Variants in ZNF683 observed in about 807,000 individuals in gnomAD.
ZNF683 encodes zinc finger protein 683.
ZNF683 carries 20 observed loss-of-function variants against 31.4 expected under a neutral mutation model. That is an observed-to-expected ratio of 0.64 (90% CI 0.45 to 0.93). The LOEUF (loss-of-function observed/expected upper bound fraction) is 0.93. ZNF683 is among the 40% of genes least tolerant of loss of function. The pLI is 0.00. For missense variants in ZNF683, 621 were observed against 637.2 expected, an observed-to-expected ratio of 0.97 and a Z score of 0.27; for synonymous variants, 264 against 267.6, an observed-to-expected ratio of 0.99 and a Z score of 0.13.
intron 5 of ZNF683, 28 bp downstream of exon 5, chr1:26,362,998 G>A (rs1289680564): frequency 1.3e-6 from 2 of 1,594,530 alleles, no homozygotes; most frequent in South Asian, 2.3e-5. Context: ...GCCTATAGGA[G>A]TACATAGTAG....
intron 4 of ZNF683, among the ~76,000 whole-genome samples, chr1:26,363,934 C>A (rs1395469068): frequency 6.6e-6 from 1 of 152,204 alleles, no homozygotes; most frequent in African/African-American, 2.4e-5. Context: ...CCTTCAACTT[C>A]AGAACTAGCC....
At chr1:26,367,456 G>T in intron 3 of ZNF683, 137 bp downstream of exon 3, 1 of 997,758 alleles carries the variant, frequency 1.0e-6, no homozygotes, top group Non-Finnish European at 1.4e-6. Flanking sequence ...AGGCCAAAAT[G>T]TGGAAGTAAA....
At chr1:26,371,198 C>A (rs974526787) in intron 1 of ZNF683, among the ~76,000 whole-genome samples, 7 of 152,306 alleles carry the variant, frequency 4.6e-5, no homozygotes, top group South Asian at 4.1e-4. Flanking sequence ...GGCAGCTGAT[C>A]TCACAGAGAT....
chr1:26,372,235 C>T (rs2074686645), intron 1 of ZNF683, among the ~76,000 whole-genome samples: 1 of 152,294 alleles, frequency 6.6e-6, no homozygotes, highest in Non-Finnish European at 1.5e-5. Context: ...CAGCTCAGCC[C>T]CTAGGGCTGT....
chr1:26,363,307 G>A (rs537681885), intron 4 of ZNF683, among the ~76,000 whole-genome samples, 153 bp from the exon 5 acceptor site: 13 of 152,330 alleles, frequency 8.5e-5, no homozygotes, highest in Admixed American at 3.3e-4. Flanking sequence ...CTGCTGCCCT[G>A]TAGGGGAGAT....
intron 3 of ZNF683, among the ~76,000 whole-genome samples, chr1:26,366,859 T>G (rs546893170): frequency 2.6e-5 from 4 of 152,170 alleles, no homozygotes; most frequent in Admixed American, 1.3e-4. Flanking sequence ...GGTTTCACCG[T>G]GTTAGCCAGG....
At chr1:26,368,697 C>T in intron 1 of ZNF683, 112 bp from the exon 2 acceptor site, 1 of 1,248,548 alleles carries the variant, frequency 8.0e-7, no homozygotes, top group Non-Finnish European at 1.1e-6. Flanking sequence ...TATTCATGTC[C>T]CTTCCTGGAC....
intron 1 of ZNF683, among the ~76,000 whole-genome samples, chr1:26,371,999 G>A (rs2074681519): frequency 6.6e-6 from 1 of 152,186 alleles, no homozygotes; most frequent in South Asian, 2.1e-4. Flanking sequence ...AGGCCAGAAA[G>A]TGGCTTTTTA....
intron 3 of ZNF683, among the ~76,000 whole-genome samples, chr1:26,367,168 A>G (rs916485218): frequency 2.0e-5 from 3 of 152,088 alleles, no homozygotes; most frequent in African/African-American, 7.2e-5. Flanking sequence ...CGAGAGGCTG[A>G]GGCAGGAGAA....
chr1:26,371,951 G>A (rs1463994821), intron 1 of ZNF683, among the ~76,000 whole-genome samples: 1 of 152,064 alleles, frequency 6.6e-6, no homozygotes, highest in Non-Finnish European at 1.5e-5. Context: ...TAATAAATAA[G>A]GAAAAGACAT....
upstream of ZNF683, chr1:26,372,827 C>T: frequency 8.5e-7 from 1 of 1,178,214 alleles, no homozygotes; most frequent in African/African-American, 1.6e-5. Flanking sequence ...CATCACAGGG[C>T]ATGGAGGCTG....
rs941463957 is a variant in ZNF683 at position 26,372,381 on chromosome 1, C to T, written c.-15+288G>A. 5 of 948,938 alleles carry T rather than the reference C, an allele frequency of 5.3e-6. No individual in the cohort carries two copies. In the African/African-American group the frequency reaches 6.9e-5, roughly 13 times the overall value. 58.8% of individuals were successfully genotyped at this position (948,938 alleles called of 1,614,324 possible). On this transcript the variant is annotated intron_variant, in intron 1 of 5. Coordinates refer to ENST00000349618, the MANE Select transcript of ZNF683 (RefSeq NM_001114759.3). ...ACGCCCAGCCTCTGAAACTTTTCCC[C>T]TACATGAGTCTTGAGGGAGGCAAAA...
At position 26,364,567 on chromosome 1, in the gene ZNF683, A is replaced by G. The variant is rs1328759172; in HGVS notation, c.979T>C (p.Cys327Arg). 1.9e-6 allele frequency: 3 copies of G among 1,613,816 alleles called. No homozygotes were observed. The highest frequency in any genetic ancestry group is 1.3e-5 in the African/African-American group (1 of 74,902). ...NGKILYECNICGKSFGQLSNL... is the reference protein window; with the variant it reads ...NGKILYECNIRGKSFGQLSNL... ...GAGAGCTGCCCAAAGCTCTTGCCAC[A>G]TATGTTGCACTCGTACAGGATTTTG... The change falls in exon 4 of 6, where the codon TGT becomes CGT. Residue 327 changes from cysteine to arginine, a missense_variant. Coordinates refer to ENST00000349618, the MANE Select transcript of ZNF683 (RefSeq NM_001114759.3).
intron 2 of ZNF683, among the ~76,000 whole-genome samples, chr1:26,368,256 CA>C (rs1264323110): frequency 6.6e-6 from 1 of 152,226 alleles, no homozygotes; most frequent in African/African-American, 2.4e-5. Flanking sequence ...TCTTATTCCC[CA>C]CAGGAGAGTC....
In ZNF683 at chr1:26,371,747, C is replaced by G. The variant is rs553051022; in HGVS notation, c.-15+922G>C. Among the ~76,000 whole-genome samples, 3 of 152,008 alleles carry G rather than the reference C, an allele frequency of 2.0e-5. No individual in the cohort carries two copies. In the South Asian group the frequency reaches 6.2e-4, roughly 32 times the overall value. On this transcript the variant is annotated intron_variant, in intron 1 of 5. Coordinates refer to ENST00000349618, the MANE Select transcript of ZNF683 (RefSeq NM_001114759.3). ...AGGAGTTCAAGACCAGCATGAGCAA[C>G]ATGGTGAAACACCATCTCTACAAAA...
intron 1 of ZNF683, 155 bp downstream of exon 1, chr1:26,372,514 C>T: frequency 7.7e-7 from 1 of 1,304,874 alleles, no homozygotes; most frequent in Non-Finnish European, 1.0e-6. Flanking sequence ...TGTCCCCACC[C>T]AGAAGGGGTG....
rs573384985 is a variant in ZNF683 at position 26,361,739 on chromosome 1, A to G, written c.1427T>C (p.Val476Ala). 132 of 1,614,054 alleles carry G rather than the reference A, an allele frequency of 8.2e-5. No homozygotes were observed. In the Middle Eastern group the frequency reaches 9.9e-4, roughly 12 times the overall value. Residue 476 changes from valine to alanine, a missense_variant, in exon 6 of 6, where the codon GTG (valine) becomes GCG (alanine). Val to Ala is a moderately conservative substitution (Grantham distance 64). Coordinates refer to ENST00000349618, the MANE Select transcript of ZNF683 (RefSeq NM_001114759.3). Reference sequence around the variant, plus strand: ...TGCTTTCCCCTGGGATGTCGAGGACACTTTGACCTCATCTATGTCATAGCC... The same window carrying G: ...TGCTTTCCCCTGGGATGTCGAGGACGCTTTGACCTCATCTATGTCATAGCC... Reference protein sequence around the residue: ...HMGYDIDEVKVSSTSQGKARA... With the variant: ...HMGYDIDEVKASSTSQGKARA...
intron 4 of ZNF683, 60 bp downstream of exon 4, chr1:26,364,471 CG>C: frequency 6.3e-7 from 1 of 1,586,076 alleles, no homozygotes; most frequent in Non-Finnish European, 8.6e-7. Flanking sequence ...GAAGCAGACT[CG>C]GGTGCATGGG....
At chr1:26,369,040 T>C (rs557479246) in intron 1 of ZNF683, among the ~76,000 whole-genome samples, 12 of 150,306 alleles carry the variant, frequency 8.0e-5, no homozygotes, top group African/African-American at 2.9e-4. Flanking sequence ...ATGTCAGGAG[T>C]TCAAGACTAA....
Sources: gnomAD v4.1 joint callset for allele counts (sites outside exome capture counted in the v4.1 genomes callset) on GRCh38, gnomAD v4.1.1 for gene constraint, MANE v1.5 for transcripts, NCBI Gene and HGNC (gene_info 2026-07-23, HGNC 2026-07-21) for gene names.